The following UBE2L3 variants were observed in gnomAD, a reference collection of about 807,000 sequenced individuals.
UBE2L3 encodes ubiquitin conjugating enzyme E2 L3.
A neutral mutation model predicts 17.8 loss-of-function variants in UBE2L3; 1 was observed. The ratio of observed to expected loss-of-function variants is 0.06; its 90% CI spans 0.02 to 0.27. UBE2L3 has a LOEUF of 0.27. Ranked by LOEUF, UBE2L3 falls within the 10% of genes least tolerant of loss-of-function variation. UBE2L3 has a pLI of 1.00. For missense variants in UBE2L3, 40 were observed against 192.6 expected (o/e 0.21, Z 4.69); for synonymous variants, 44 against 68.5 (o/e 0.64, Z 1.76).
intron 3 of UBE2L3, 150 bp downstream of exon 3, chr22:21,611,193 G>A (rs1482304138): frequency 1.0e-6 from 1 of 963,280 alleles, no homozygotes; most frequent in East Asian, 2.7e-5. Context: ...TTGTGGGAAT[G>A]GCTCATCTCA....
intron 1 of UBE2L3, among the ~76,000 whole-genome samples, chr22:21,587,960 T>C (rs1928037540): frequency 6.6e-6 from 1 of 152,170 alleles, no homozygotes; most frequent in Non-Finnish European, 1.5e-5. Context: ...CTGAGAAGCA[T>C]TGCTCTCTTT....
Position 21,572,098 on chromosome 22 carries a change from C to G in UBE2L3, c.27+4327C>G, listed in dbSNP as rs908525260. 2.6e-5 allele frequency among the ~76,000 whole-genome samples: 4 copies of G among 151,990 alleles called. No individual in the cohort carries two copies. In the South Asian group the frequency reaches 6.2e-4, roughly 24 times the overall value. On this transcript the variant is annotated intron_variant, in intron 1 of 3. Coordinates refer to ENST00000342192, the MANE Select transcript of UBE2L3 (RefSeq NM_003347.4). ...GACAGGTGATGGGAAGGAGTATACT[C>G]AATTATTGCAACATTTGGGACCTTT...
At chr22:21,563,359 G>A (rs2148393710), upstream of UBE2L3, among the ~76,000 whole-genome samples, 1 of 149,252 alleles carries the variant, frequency 6.7e-6, no homozygotes, top group East Asian at 2.0e-4. Flanking sequence ...AGAGCATCCT[G>A]CCTAACACAG....
intron 2 of UBE2L3, among the ~76,000 whole-genome samples, chr22:21,594,442 G>A (rs1441403507): frequency 1.3e-5 from 2 of 150,842 alleles, no homozygotes; most frequent in Non-Finnish European, 2.9e-5. Context: ...CTTGATGCTG[G>A]TTATAAGGTG....
upstream of UBE2L3, among the ~76,000 whole-genome samples, chr22:21,563,796 C>T (rs1926538141): frequency 1.3e-5 from 2 of 151,360 alleles, no homozygotes; most frequent in South Asian, 2.1e-4. Flanking sequence ...AGGCTGGTCT[C>T]GAACTCCTGA....
intron 3 of UBE2L3, among the ~76,000 whole-genome samples, chr22:21,612,172 C>G (rs1028741648): frequency 2.6e-5 from 4 of 152,116 alleles, no homozygotes. Flanking sequence ...ATGAAAGGTG[C>G]CCATTAGACT....
chr22:21,594,271 A>G (rs754563028), intron 2 of UBE2L3, among the ~76,000 whole-genome samples: 2 of 152,192 alleles, frequency 1.3e-5, no homozygotes, highest in Non-Finnish European at 2.9e-5. Flanking sequence ...TTCCTCCTGT[A>G]GATGCTTCTT....
intron 2 of UBE2L3, among the ~76,000 whole-genome samples, chr22:21,607,372 G>A (rs1328033192): frequency 9.2e-5 from 14 of 151,866 alleles, no homozygotes; most frequent in South Asian, 8.3e-4. Flanking sequence ...AAAATTAGTC[G>A]GGCAGGGTAG....
chr22:21,615,654 TAG>T (rs375009193), intron 3 of UBE2L3, among the ~76,000 whole-genome samples: 160 of 152,298 alleles, frequency 1.1e-3, no homozygotes, highest in African/African-American at 3.8e-3. Flanking sequence ...TCATTGTTCA[TAG>T]AGTCTGCGTT....
intron 3 of UBE2L3, among the ~76,000 whole-genome samples, chr22:21,619,571 G>A (rs1380133494): frequency 6.6e-6 from 1 of 152,278 alleles, no homozygotes; most frequent in Non-Finnish European, 1.5e-5. Context: ...GTAAAAAGCA[G>A]AGGTTAGGCA....
At chr22:21,568,196 G>A in intron 1 of UBE2L3, 2 of 993,778 alleles carry the variant, frequency 2.0e-6, no homozygotes, top group African/African-American at 1.7e-5. Flanking sequence ...GCCCTGGGCC[G>A]CAGCGCGCCG....
chr22:21,582,828 A>G (rs1927719632), intron 1 of UBE2L3, among the ~76,000 whole-genome samples: 1 of 152,068 alleles, frequency 6.6e-6, no homozygotes, highest in African/African-American at 2.4e-5. Flanking sequence ...CCGGCCCTCA[A>G]TATGGTGATT....
intron 1 of UBE2L3, among the ~76,000 whole-genome samples, chr22:21,591,394 G>A (rs1269495070): frequency 6.6e-6 from 1 of 152,206 alleles, no homozygotes; most frequent in Non-Finnish European, 1.5e-5. Flanking sequence ...GCAGATGAGG[G>A]TGACAGGCAG....
Position 21,572,455 on chromosome 22 carries a change from C to CA in UBE2L3, c.27+4689dup, listed in dbSNP as rs910159978. Among the ~76,000 whole-genome samples, 486 of 147,192 alleles carry CA rather than the reference C, an allele frequency of 3.3e-3. 4 individuals are homozygous for CA. The highest frequency in any genetic ancestry group is 0.011 in the African/African-American group (456 of 39,976). ...AAAAAAAAAAAAGAAAACCCTGAGA[C>CA]AAAAACTCTTGTCTCAGGGTACTGG... On this transcript the variant is annotated intron_variant, in intron 1 of 3. Coordinates refer to ENST00000342192, the MANE Select transcript of UBE2L3 (RefSeq NM_003347.4).
chr22:21,563,486 C>T (rs1286831396), upstream of UBE2L3, among the ~76,000 whole-genome samples: 84 of 146,676 alleles, frequency 5.7e-4, no homozygotes, highest in Non-Finnish European at 1.1e-3. Flanking sequence ...GGCGTGAACC[C>T]GGGAGGCGGA....
chr22:21,598,209 G>GTGTGTGTGTGTGTGTGTGTGTGTGTGTT (rs1555885645), intron 2 of UBE2L3, among the ~76,000 whole-genome samples: 3 of 151,654 alleles, frequency 2.0e-5, no homozygotes, highest in Admixed American at 1.3e-4. Flanking sequence ...GTGTGTGTGT[G>GTGTGTGTGTGTGTGTGTGTGTGTGTGTT]TTTTTCATTT....
chr22:21,614,194 G>A (rs1303185024), intron 3 of UBE2L3, among the ~76,000 whole-genome samples: 1 of 152,110 alleles, frequency 6.6e-6, no homozygotes, highest in Non-Finnish European at 1.5e-5. Context: ...TGTTTTTCTG[G>A]TGCTATTTCC....
At chr22:21,618,815 C>T (rs1169375557) in intron 3 of UBE2L3, among the ~76,000 whole-genome samples, 2 of 152,078 alleles carry the variant, frequency 1.3e-5, no homozygotes, top group Admixed American at 6.5e-5. Context: ...CAGTCTCAGA[C>T]TCCTGGCCTC....
rs1402716320 is a variant in UBE2L3, at chr22:21,582,373, C to T, written c.28-10488C>T. ...TTTTTGTTGTTGTTTTTTTTTTTTG[C>T]GATGGAGTCTCGCTCTGTCACCCAG... On this transcript the variant is annotated intron_variant, in intron 1 of 3. Transcript: ENST00000342192. Among the ~76,000 whole-genome samples the T allele has an allele frequency of 2.1e-5, 3 of 143,212 alleles. No individual in the cohort carries two copies. In the East Asian group the frequency reaches 6.2e-4, roughly 30 times the overall value. 94.0% of individuals were successfully genotyped at this position (143,212 alleles called of 152,430 possible).
Sources: allele counts gnomAD v4.1 joint callset (sites outside exome capture counted in the v4.1 genomes callset), GRCh38; gene constraint gnomAD v4.1.1; transcripts MANE v1.5; gene names NCBI Gene and HGNC (gene_info 2026-07-23, HGNC 2026-07-21).